Variants in GPC6 observed in about 807,000 individuals in gnomAD.
GPC6 encodes glypican-6.
A neutral mutation model predicts 55.2 loss-of-function variants in GPC6; 14 were observed. The ratio of observed to expected loss-of-function variants is 0.25; its 90% CI spans 0.17 to 0.40. The LOEUF (loss-of-function observed/expected upper bound fraction) is 0.40, where lower values mean the gene tolerates loss of function less well. Among genes scored for constraint, GPC6 ranks in the 10% least tolerant of loss-of-function variants. The probability of loss-of-function intolerance (pLI) is 1.00; values close to 1 mark genes in which losing one functional copy is unlikely to be tolerated. For missense variants in GPC6, 641 were observed against 708.5 expected, an observed-to-expected ratio of 0.90 and a Z score of 1.08; for synonymous variants, 278 against 259.6, an observed-to-expected ratio of 1.07 and a Z score of -0.68.
At chr13:93,323,526 T>C (rs1879532975) in intron 1 of GPC6, among the ~76,000 whole-genome samples, 1 of 152,218 alleles carries the variant, frequency 6.6e-6, no homozygotes, top group East Asian at 1.9e-4. Flanking sequence ...TTTTCACCTG[T>C]CTTCCAAGCC....
chr13:93,571,461 T>C (rs1399126064), intron 2 of GPC6, among the ~76,000 whole-genome samples: 2 of 152,138 alleles, frequency 1.3e-5, no homozygotes, highest in Non-Finnish European at 2.9e-5. Context: ...TATCAGGAAT[T>C]TGTTTTATAT....
chr13:93,526,738 A>C (rs1368628243), intron 1 of GPC6, among the ~76,000 whole-genome samples: 1 of 151,996 alleles, frequency 6.6e-6, no homozygotes, highest in Non-Finnish European at 1.5e-5. Context: ...TCAGTTCAAG[A>C]CCCTTTTCCA....
intron 4 of GPC6, among the ~76,000 whole-genome samples, chr13:94,031,480 C>G (rs115926067): frequency 1.5e-3 from 228 of 152,282 alleles, no homozygotes; most frequent in African/African-American, 5.3e-3. Flanking sequence ...CACCCCTGAG[C>G]TAGGCAGGAC....
chr13:94,004,972 G>C (rs573559106), intron 3 of GPC6, among the ~76,000 whole-genome samples: 3 of 152,088 alleles, frequency 2.0e-5, no homozygotes, highest in Non-Finnish European at 4.4e-5. Context: ...TGAGGCAGGA[G>C]AATCGCTTAA....
At chr13:94,170,929 C>T (rs748232701) in intron 4 of GPC6, among the ~76,000 whole-genome samples, 33 of 152,004 alleles carry the variant, frequency 2.2e-4, no homozygotes, top group Non-Finnish European at 4.6e-4. Context: ...GTCCAGAGTG[C>T]GAGGAAATAA....
At chr13:93,583,612 C>T (rs112061529) in intron 2 of GPC6, among the ~76,000 whole-genome samples, 9,466 of 152,046 alleles carry the variant, frequency 0.062, 942 homozygotes, top group African/African-American at 0.21. Context: ...AGATGGAGTT[C>T]CACCATGTTG....
At chr13:93,565,934 C>CAAAAAAAAA (rs35217779) in intron 2 of GPC6, among the ~76,000 whole-genome samples, 2 of 134,822 alleles carry the variant, frequency 1.5e-5, no homozygotes, top group Non-Finnish European at 1.6e-5. Context: ...AACAAACAAA[C>CAAAAAAAAA]AAAAAAAAAA....
At chr13:93,671,140 T>C (rs1881341439) in intron 2 of GPC6, among the ~76,000 whole-genome samples, 1 of 152,244 alleles carries the variant, frequency 6.6e-6, no homozygotes, top group South Asian at 2.1e-4. Context: ...ATTGGCATTA[T>C]TTTAAAGAAC....
At chr13:94,189,447 G>T (rs1889311473) in intron 4 of GPC6, among the ~76,000 whole-genome samples, 1 of 152,132 alleles carries the variant, frequency 6.6e-6, no homozygotes, top group South Asian at 2.1e-4. Context: ...TCCCTTTACT[G>T]CTACCACTTA....
At chr13:93,399,525 T>C (rs1875990546) in intron 1 of GPC6, among the ~76,000 whole-genome samples, 1 of 152,206 alleles carries the variant, frequency 6.6e-6, no homozygotes, top group South Asian at 2.1e-4. Context: ...AAAATAATTA[T>C]TAATATTTCC....
In GPC6 at chr13:94,339,312, C is replaced by A. The variant is rs987461207; in HGVS notation, c.1152+33189C>A. Among the ~76,000 whole-genome samples, 5 of 152,118 alleles carry A rather than the reference C, an allele frequency of 3.3e-5. No individual in the cohort carries two copies. In the East Asian group the frequency reaches 9.7e-4, roughly 29 times the overall value. ...ACTCCTGAGCTCAGCAACTTGCCTG[C>A]CTCCGCCTCCCAAAGTGCTGGGATT... On this transcript the variant is annotated intron_variant, in intron 6 of 8. Coordinates refer to ENST00000377047, the MANE Select transcript of GPC6 (RefSeq NM_005708.5).
chr13:94,105,124 G>T (rs556010101), intron 4 of GPC6, among the ~76,000 whole-genome samples: 1 of 152,134 alleles, frequency 6.6e-6, no homozygotes, highest in Non-Finnish European at 1.5e-5. Flanking sequence ...GGAGGCCGAG[G>T]CAAGAGGATC....
intron 3 of GPC6, among the ~76,000 whole-genome samples, chr13:93,999,974 T>C (rs1881727594): frequency 6.6e-6 from 1 of 152,256 alleles, no homozygotes; most frequent in South Asian, 2.1e-4. Context: ...TTGTCCCAAA[T>C]TCCAATTTAT....
intron 6 of GPC6, among the ~76,000 whole-genome samples, chr13:94,344,900 C>T (rs1240519477): frequency 1.3e-5 from 2 of 152,218 alleles, no homozygotes; most frequent in African/African-American, 4.8e-5. Flanking sequence ...AATTCCTCTG[C>T]TTTGGCTTTT....
At chr13:93,536,503 T>G (rs528124350) in intron 1 of GPC6, among the ~76,000 whole-genome samples, 8 of 152,192 alleles carry the variant, frequency 5.3e-5, no homozygotes, top group Non-Finnish European at 1.2e-4. Flanking sequence ...TGTCCTCTTG[T>G]GATTGGCTTA....
At chr13:93,387,857 G>C (rs1018110254) in intron 1 of GPC6, among the ~76,000 whole-genome samples, 3 of 152,110 alleles carry the variant, frequency 2.0e-5, no homozygotes, top group African/African-American at 7.2e-5. Context: ...TGAGGTTCTA[G>C]CTTGAAGAAT....
At chr13:93,280,283 G>A (rs1273084071) in intron 1 of GPC6, among the ~76,000 whole-genome samples, 1 of 152,120 alleles carries the variant, frequency 6.6e-6, no homozygotes, top group Admixed American at 6.5e-5. Flanking sequence ...AATAAATTCA[G>A]CTTTGCAAAC....
At chr13:93,261,548 T>G (rs567492238) in intron 1 of GPC6, among the ~76,000 whole-genome samples, 2 of 152,284 alleles carry the variant, frequency 1.3e-5, no homozygotes, top group African/African-American at 4.8e-5. Context: ...TAAGTGCCAC[T>G]TTTAGATAAA....
rs532785438 is a variant in GPC6, at chr13:94,394,093, C to T, written c.1290-4373C>T. Among the ~76,000 whole-genome samples, 6 of 152,284 alleles carry T rather than the reference C, an allele frequency of 3.9e-5. No homozygotes were observed. The South Asian group carries it at 8.3e-4, about 21-fold the overall frequency. On this transcript the variant is annotated intron_variant, in intron 7 of 8. Transcript: ENST00000377047. ...TTCCATAGGACTCTTCTACCCTAAT[C>T]GGTTCTAATGTTTGGATGTAGTCAA...
Sources: gnomAD v4.1 joint callset for allele counts (sites outside exome capture counted in the v4.1 genomes callset) on GRCh38, gnomAD v4.1.1 for gene constraint, MANE v1.5 for transcripts, NCBI Gene and HGNC (gene_info 2026-07-23, HGNC 2026-07-21) for gene names.